FAF1: variants seen among roughly 807,000 people sequenced by gnomAD.
FAF1 encodes Fas associated factor 1.
FAF1 carries 25 observed loss-of-function variants against 92.5 expected under a neutral mutation model. The ratio of observed to expected loss-of-function variants is 0.27; its 90% CI spans 0.20 to 0.38. The LOEUF is 0.38. Ranked by LOEUF, FAF1 falls within the 10% of genes least tolerant of loss-of-function variation. FAF1 has a pLI of 1.00. For missense variants in FAF1, 636 were observed against 793.3 expected (o/e 0.80, Z 2.38); for synonymous variants, 234 against 273.2 (o/e 0.86, Z 1.42).
chr1:50,853,070 T>C, intron 2 of FAF1, among the ~76,000 whole-genome samples: 1 of 152,120 alleles, frequency 6.6e-6, no homozygotes, highest in East Asian at 1.9e-4. Context: ...CTTGGCTGCT[T>C]TCGGATGAGG....
At chr1:50,514,768 T>C (rs555760669) in intron 15 of FAF1, among the ~76,000 whole-genome samples, 7 of 152,320 alleles carry the variant, frequency 4.6e-5, no homozygotes, top group Admixed American at 6.5e-5. Context: ...TACTAATTTC[T>C]TTAGTGACAG....
At chr1:50,906,789 T>C (rs184214245) in intron 1 of FAF1, among the ~76,000 whole-genome samples, 20 of 152,284 alleles carry the variant, frequency 1.3e-4, no homozygotes, top group African/African-American at 4.6e-4. Flanking sequence ...GCTGAGACGA[T>C]GGGGTTTTCT....
chr1:50,739,422 A>G (rs866913492), intron 5 of FAF1, among the ~76,000 whole-genome samples: 2 of 151,986 alleles, frequency 1.3e-5, no homozygotes, highest in East Asian at 3.9e-4. Context: ...ATGTGAGTGT[A>G]TGTGTATGTG....
intron 7 of FAF1, among the ~76,000 whole-genome samples, chr1:50,658,255 A>G (rs1313778389): frequency 6.6e-6 from 1 of 152,016 alleles, no homozygotes; most frequent in East Asian, 1.9e-4. Flanking sequence ...ATTATTTTTC[A>G]TTATGTTATC....
intron 15 of FAF1, among the ~76,000 whole-genome samples, chr1:50,497,688 A>G (rs1191567124): frequency 1.3e-5 from 2 of 151,616 alleles, no homozygotes; most frequent in East Asian, 3.9e-4. Flanking sequence ...AGCTGGGATT[A>G]CAGGTGCATG....
intron 18 of FAF1, among the ~76,000 whole-genome samples, chr1:50,468,492 C>T (rs1237678675): frequency 6.7e-6 from 1 of 149,218 alleles, no homozygotes; most frequent in African/African-American, 2.5e-5. Flanking sequence ...TGGAGTCTCA[C>T]TCTGTCGCCC....
At chr1:50,492,143 G>A (rs1244791730) in intron 15 of FAF1, among the ~76,000 whole-genome samples, 1 of 152,110 alleles carries the variant, frequency 6.6e-6, no homozygotes, top group Non-Finnish European at 1.5e-5. Flanking sequence ...AAACTATCTA[G>A]CAAAGGACCT....
At chr1:50,932,224 G>A (rs1013364482) in intron 1 of FAF1, among the ~76,000 whole-genome samples, 7 of 152,044 alleles carry the variant, frequency 4.6e-5, no homozygotes, top group Admixed American at 1.3e-4. Flanking sequence ...CCCCAAAGCC[G>A]TAACTCATTT....
At position 50,440,253 on chromosome 1, in the gene FAF1, C is replaced by T. The variant is rs1015808053; in HGVS notation, c.*1187G>A. On this transcript the variant is annotated 3_prime_UTR_variant, in exon 19 of 19. Coordinates refer to ENST00000396153, the MANE Select transcript of FAF1 (RefSeq NM_007051.3). ...TAAACGGTGTTCTCATGATCTAAACCCCAAACCCCAAATCTGTAGATTAAG... is the reference window on the plus strand; with the variant it reads ...TAAACGGTGTTCTCATGATCTAAACTCCAAACCCCAAATCTGTAGATTAAG... 5.9e-5 allele frequency: 9 copies of T among 152,046 alleles called. No homozygotes were observed. The highest frequency in any genetic ancestry group is 1.9e-4 in the African/African-American group (8 of 41,382). The allele number at this position is 152,046 out of a possible 1,614,324, so 9.4% of individuals were successfully genotyped here.
At chr1:50,558,955 G>A (rs1649729290) in intron 13 of FAF1, among the ~76,000 whole-genome samples, 1 of 152,098 alleles carries the variant, frequency 6.6e-6, no homozygotes, top group Non-Finnish European at 1.5e-5. Context: ...ATTTTTAAAA[G>A]GATAATCTAT....
At chr1:50,818,274 C>A (rs990777491) in intron 2 of FAF1, among the ~76,000 whole-genome samples, 1 of 152,176 alleles carries the variant, frequency 6.6e-6, no homozygotes, top group African/African-American at 2.4e-5. Flanking sequence ...ACAAGTGGAA[C>A]TCTCATACAT....
At chr1:50,608,320 G>A (rs964423920) in intron 8 of FAF1, among the ~76,000 whole-genome samples, 7 of 152,216 alleles carry the variant, frequency 4.6e-5, no homozygotes, top group South Asian at 2.1e-4. Flanking sequence ...CCTCAATTTG[G>A]TCAGGTGCCT....
intron 8 of FAF1, among the ~76,000 whole-genome samples, chr1:50,632,080 G>A (rs1243818826): frequency 1.3e-5 from 2 of 152,142 alleles, no homozygotes; most frequent in African/African-American, 4.8e-5. Context: ...TCTATCACCT[G>A]AGAATAAGGG....
intron 8 of FAF1, among the ~76,000 whole-genome samples, chr1:50,598,462 T>TAA (rs890794436): frequency 2.2e-3 from 251 of 112,328 alleles, no homozygotes; most frequent in African/African-American, 7.1e-3. Context: ...AACCTGTCTT[T>TAA]AAAAAAAAAA....
chr1:50,671,029 AAAT>A (rs1290923964), intron 7 of FAF1, among the ~76,000 whole-genome samples: 3 of 152,206 alleles, frequency 2.0e-5, no homozygotes, highest in Admixed American at 1.3e-4. Context: ...GAATGTATGT[AAAT>A]AATACCTTAT....
chr1:50,940,194 C>T (rs952456431), intron 1 of FAF1, among the ~76,000 whole-genome samples: 2 of 151,966 alleles, frequency 1.3e-5, no homozygotes, highest in African/African-American at 2.4e-5. Flanking sequence ...TTACAGGCGT[C>T]GAGCCACCAT....
At chr1:50,790,766 C>T (rs1022195303) in intron 3 of FAF1, among the ~76,000 whole-genome samples, 1 of 151,760 alleles carries the variant, frequency 6.6e-6, no homozygotes, top group Non-Finnish European at 1.5e-5. Context: ...ATTGTTCATA[C>T]AATTAAGCAG....
chr1:50,891,994 A>T (rs1465970193), intron 1 of FAF1, among the ~76,000 whole-genome samples: 4 of 152,150 alleles, frequency 2.6e-5, no homozygotes, highest in Non-Finnish European at 1.5e-5. Flanking sequence ...CTTGAGCTGC[A>T]GTGGGGTCCA....
intron 4 of FAF1, among the ~76,000 whole-genome samples, chr1:50,750,575 G>A (rs1659815204): frequency 6.7e-6 from 1 of 149,676 alleles, no homozygotes; most frequent in African/African-American, 2.5e-5. Context: ...TTTTGTCTGG[G>A]TTCCTTTGTT....
Sources: gnomAD v4.1 joint callset for allele counts (sites outside exome capture counted in the v4.1 genomes callset) on GRCh38, gnomAD v4.1.1 for gene constraint, MANE v1.5 for transcripts, NCBI Gene and HGNC (gene_info 2026-07-23, HGNC 2026-07-21) for gene names.